The following RGN variants were observed in gnomAD, a reference collection of about 807,000 sequenced individuals.
RGN encodes epididymis secretory protein Li 41.
RGN carries 19 observed loss-of-function variants against 20.6 expected under a neutral mutation model. The ratio of observed to expected loss-of-function variants is 0.92; its 90% confidence interval spans 0.64 to 1.35. RGN has a LOEUF of 1.35. Among genes scored for constraint, RGN ranks in the 40% most tolerant of loss-of-function variants. RGN has a pLI of 0.00. For missense variants in RGN, 302 were observed against 232.7 expected (o/e 1.30, Z -1.94); for synonymous variants, 85 against 87.2 (o/e 0.97, Z 0.14).
In RGN at chrX:47,092,152, C is replaced by T. The variant is rs987409573; in HGVS notation, c.786C>T (p.Cys262=). 2 of 1,201,621 alleles carry T rather than the reference C, an allele frequency of 1.7e-6. No homozygotes were observed. The highest frequency in any genetic ancestry group is 1.1e-6 in the Non-Finnish European group (1 of 889,563). Reference sequence around the variant, plus strand: ...ATTACTCTGAAATGTATGTGACCTGCGCCCGGGATGGGATGGACCCCGAGG... The same window carrying T: ...ATTACTCTGAAATGTATGTGACCTGTGCCCGGGATGGGATGGACCCCGAGG... ...GKNYSEMYVT[C]ARDGMDPEGL... The change falls in exon 7 of 8, where the codon TGC becomes TGT. Residue 262 remains cysteine (C), a synonymous_variant. Transcript: ENST00000397180.
chrX:47,090,915 G>A (rs10627979), intron 5 of RGN, among the ~76,000 whole-genome samples: 21,850 of 51,433 alleles, frequency 0.42, 6,057 homozygotes, highest in East Asian at 0.68. Flanking sequence ...GAAAGAAGAA[G>A]GAAAGAAAGA....
chrX:47,081,363 G>C, intron 3 of RGN, 56 bp downstream of exon 3: 3 of 1,063,842 alleles, frequency 2.8e-6, no homozygotes, highest in Non-Finnish European at 3.9e-6. Flanking sequence ...GGGGAGGGGC[G>C]GTCACCACGG....
At chrX:47,087,606 T>C (rs1421843996) in intron 4 of RGN, 1 of 109,369 alleles carries the variant, frequency 9.1e-6, no homozygotes, top group Non-Finnish European at 1.9e-5. Flanking sequence ...AAGAGCTCCA[T>C]ATTTTTCTTA....
At chrX:47,081,838 C>T (rs1287206693) in intron 3 of RGN, among the ~76,000 whole-genome samples, 3 of 112,477 alleles carry the variant, frequency 2.7e-5, no homozygotes, top group Non-Finnish European at 5.6e-5. Context: ...TGAGCTACCA[C>T]GCCCAGCCCA....
chrX:47,082,135 C>A (rs193073496), intron 3 of RGN, among the ~76,000 whole-genome samples: 1 of 110,704 alleles, frequency 9.0e-6, no homozygotes, highest in Non-Finnish European at 1.9e-5. Context: ...TATGGCCCTG[C>A]GAATTCTAAA....
chrX:47,090,486 CA>C lies in RGN; in HGVS notation c.562+506del, dbSNP rs1351281494. Among the ~76,000 whole-genome samples the C allele has an allele frequency of 3.3e-3, 323 of 97,670 alleles. 1 individual carries two copies. The highest frequency in any genetic ancestry group is 3.8e-3 in the Admixed American group (34 of 8,870). The allele number at this position is 97,670 out of a possible 115,157, so 84.8% of individuals were successfully genotyped here. On this transcript the variant is annotated intron_variant, in intron 5 of 7. Coordinates refer to ENST00000397180, the MANE Select transcript of RGN (RefSeq NM_152869.4). ...TTACCAACCTTTCAAAATGGAAAAG[CA>C]AAAAAAAAAAGTAATTGCACGTTGT...
At position 47,084,610 on chromosome X, in the gene RGN, C is replaced by T. The variant is rs188959748; in HGVS notation, c.346+10C>T. The T allele has an allele frequency of 2.2e-4, 256 of 1,141,023 alleles. 3 individuals carry two copies. The African/African-American group carries it at 4.3e-3, about 19-fold the overall frequency. 94.0% of individuals were successfully genotyped at this position (1,141,023 alleles called of 1,213,427 possible). A position where few individuals can be genotyped will look rare whatever the true frequency, so the allele number is the denominator to read the frequency against. On this transcript the variant is annotated intron_variant, in intron 4 of 7. Transcript: ENST00000397180. ...GGGAGGTACTTTGCTGGTAAGATTT[C>T]TCTTAACACCTACTTATTACTGAGC...
chrX:47,082,810 A>G (rs1433971773), intron 3 of RGN, among the ~76,000 whole-genome samples: 1 of 60,476 alleles, frequency 1.7e-5, no homozygotes, highest in Non-Finnish European at 3.0e-5. Flanking sequence ...CCCCCAACCC[A>G]TGGAAAAAGC....
intron 5 of RGN, 73 bp from the exon 6 acceptor site, chrX:47,091,605 G>C (rs5906327): frequency 2.7e-6 from 3 of 1,108,844 alleles, no homozygotes; most frequent in Non-Finnish European, 3.6e-6. Context: ...GAGAGCTCTC[G>C]GTTTGATTCT....
chrX:47,090,151 G>A (rs910815528), intron 5 of RGN, among the ~76,000 whole-genome samples, 160 bp downstream of exon 5: 1 of 111,372 alleles, frequency 9.0e-6, no homozygotes, highest in Non-Finnish European at 1.9e-5. Context: ...GCACAGACTT[G>A]ACTGTGCTGC....
chrX:47,081,465 A>G (rs1286575164), intron 3 of RGN, among the ~76,000 whole-genome samples, 158 bp downstream of exon 3: 3 of 100,411 alleles, frequency 3.0e-5, no homozygotes, highest in East Asian at 3.4e-4. Flanking sequence ...TTAATTATGG[A>G]TGGTCAATAC....
intron 1 of RGN, among the ~76,000 whole-genome samples, chrX:47,078,941 G>GC (rs782717609): frequency 0.01 from 1,021 of 100,996 alleles, 36 homozygotes; most frequent in Admixed American, 0.071. Context: ...TCTGAACACT[G>GC]CCCCCCACCC....
chrX:47,091,992 T>C, intron 6 of RGN, 69 bp from the exon 7 acceptor site: 2 of 1,037,657 alleles, frequency 1.9e-6, no homozygotes, highest in African/African-American at 1.9e-5. Context: ...TCTTAGATCT[T>C]CCCTAGAAAC....
At chrX:47,087,512 G>C (rs1380487090) in intron 4 of RGN, 2 of 111,389 alleles carry the variant, frequency 1.8e-5, no homozygotes, top group Non-Finnish European at 3.8e-5. Context: ...TTCTGTGCTC[G>C]CTTCAGCAGC....
chrX:47,092,156 C>T lies in RGN; in HGVS notation c.790C>T (p.Arg264Trp), dbSNP rs782730477. ...CTCTGAAATGTATGTGACCTGCGCC[C>T]GGGATGGGATGGACCCCGAGGGTCT... The part of the protein sequence containing the change: ...NYSEMYVTCA[R>W]DGMDPEGLLR... The change falls in exon 7 of 8, where the codon CGG becomes TGG. Residue 264 changes from arginine (R) to tryptophan (W), a missense_variant. Transcript: ENST00000397180. The T allele has an allele frequency of 1.3e-5, 15 of 1,198,961 alleles. No homozygotes were observed. The highest frequency in any genetic ancestry group is 5.4e-5 in the South Asian group (3 of 55,143).
chrX:47,085,186 GT>G (rs1221399105), intron 4 of RGN, among the ~76,000 whole-genome samples: 1 of 111,448 alleles, frequency 9.0e-6, no homozygotes, highest in Non-Finnish European at 1.9e-5. Context: ...TGTTGTTGAT[GT>G]TTAAATCAGA....
At position 47,091,635 on chromosome X, in the gene RGN, GT is replaced by G. The variant is rs781857427; in HGVS notation, c.563-39del. 1.8e-3 allele frequency: 2,077 copies of G among 1,181,848 alleles called. 6 individuals are homozygous for G. The highest frequency in any genetic ancestry group is 2.1e-3 in the Non-Finnish European group (1,824 of 882,016). ...GATTCTCAGTATTTAGTGGCCTGTTGTTTTGTTGTGGTTCTGTTTTTGTTTT... is the reference window on the plus strand; with the variant it reads ...GATTCTCAGTATTTAGTGGCCTGTTGTTTGTTGTGGTTCTGTTTTTGTTTT... On this transcript the variant is annotated intron_variant, in intron 5 of 7. Coordinates refer to ENST00000397180, the MANE Select transcript of RGN (RefSeq NM_152869.4).
In RGN at chrX:47,081,268, T is replaced by A; in HGVS notation, c.124T>A (p.Trp42Arg). 8.3e-7 allele frequency: 1 copy of A among 1,210,534 alleles called. No individual in the cohort carries two copies. The highest frequency in any genetic ancestry group is 1.1e-6 in the Non-Finnish European group (1 of 894,759). ...VDIPAKKVCRWDSFTKQVQRV... is the reference protein window; with the variant it reads ...VDIPAKKVCRRDSFTKQVQRV... ...CATTCCTGCAAAAAAGGTTTGCCGG[T>A]GGGATTCATTCACCAAGCAAGTACA... is the stretch of plus-strand genomic sequence containing the variant. The change falls in exon 3 of 8, where the codon TGG becomes AGG. Residue 42 changes from tryptophan to arginine, a missense_variant. By Grantham distance (101) the Trp-to-Arg change is moderately radical (BLOSUM62 -3). Transcript: ENST00000397180.
chrX:47,089,695 G>T, intron 4 of RGN, 81 bp from the exon 5 acceptor site: 2 of 676,898 alleles, frequency 3.0e-6, no homozygotes, highest in Non-Finnish European at 4.4e-6. Flanking sequence ...TCACTGGAAA[G>T]GATCCCTGGT....
Sources: gnomAD v4.1 joint callset for allele counts (sites outside exome capture counted in the v4.1 genomes callset) on GRCh38, gnomAD v4.1.1 for gene constraint, MANE v1.5 for transcripts, NCBI Gene and HGNC (gene_info 2026-07-23, HGNC 2026-07-21) for gene names.